Variants in PLEKHA5 observed in about 807,000 individuals in gnomAD.
PLEKHA5 encodes pleckstrin homology domain-containing family A member 5.
A neutral mutation model predicts 181.9 loss-of-function variants in PLEKHA5; 55 were observed. That is an observed-to-expected ratio of 0.30 (90% CI 0.24 to 0.38). PLEKHA5 has a LOEUF of 0.38. Among genes scored for constraint, PLEKHA5 ranks in the 10% least tolerant of loss-of-function variants. The pLI, the probability that PLEKHA5 is intolerant of heterozygous loss-of-function variation, is 1.00. For synonymous variants in PLEKHA5, 535 were observed against 529.4 expected, an observed-to-expected ratio of 1.01 and a Z score of -0.15; for missense variants, 1,432 against 1,549.5, an observed-to-expected ratio of 0.92 and a Z score of 1.27.
At chr12:19,360,976 C>G (rs1415843454) in intron 28 of PLEKHA5, among the ~76,000 whole-genome samples, 2 of 152,056 alleles carry the variant, frequency 1.3e-5, no homozygotes, top group South Asian at 2.1e-4. Flanking sequence ...AGGCTGGTCT[C>G]GAACTCCTGA....
At chr12:19,354,221 G>C (rs548197995) in intron 26 of PLEKHA5, among the ~76,000 whole-genome samples, 2 of 120,584 alleles carry the variant, frequency 1.7e-5, no homozygotes, top group South Asian at 5.7e-4. Flanking sequence ...GCGCGATCTC[G>C]GCTCACTGCA....
chr12:19,233,428 T>C (rs1223653185), intron 3 of PLEKHA5, among the ~76,000 whole-genome samples: 2 of 152,172 alleles, frequency 1.3e-5, no homozygotes, highest in South Asian at 2.1e-4. Flanking sequence ...AGGTACTGTA[T>C]GGAAAAGAGA....
chr12:19,171,918 G>A (rs1167244277), intron 3 of PLEKHA5, among the ~76,000 whole-genome samples: 1 of 152,056 alleles, frequency 6.6e-6, no homozygotes, highest in Non-Finnish European at 1.5e-5. Context: ...ACCACATCTT[G>A]TCCCACTGTA....
chr12:19,368,577 G>C (rs2095495873), intron 30 of PLEKHA5, among the ~76,000 whole-genome samples: 1 of 152,176 alleles, frequency 6.6e-6, no homozygotes, highest in Admixed American at 6.5e-5. Flanking sequence ...TGGATCACCT[G>C]AGGTTTGGAG....
chr12:19,238,262 G>A (rs2061743986), intron 3 of PLEKHA5, among the ~76,000 whole-genome samples: 1 of 152,002 alleles, frequency 6.6e-6, no homozygotes, highest in East Asian at 1.9e-4. Flanking sequence ...ATGACTTGCT[G>A]TACATATTTT....
chr12:19,234,472 T>G (rs2061103474), intron 3 of PLEKHA5, among the ~76,000 whole-genome samples: 1 of 152,178 alleles, frequency 6.6e-6, no homozygotes, highest in African/African-American at 2.4e-5. Flanking sequence ...ACAGAAGCTG[T>G]GCAGGGTGCT....
At chr12:19,349,740 G>C (rs947181820) in intron 25 of PLEKHA5, among the ~76,000 whole-genome samples, 7 of 119,648 alleles carry the variant, frequency 5.9e-5, no homozygotes, top group Non-Finnish European at 1.1e-4. Context: ...ACCAGAAACA[G>C]AAAAAAAAAA....
intron 21 of PLEKHA5, among the ~76,000 whole-genome samples, chr12:19,338,018 C>T (rs948407830): frequency 3.5e-5 from 5 of 141,910 alleles, no homozygotes; most frequent in East Asian, 2.0e-4. Context: ...GCAACAAGGG[C>T]GAAGCTCCAT....
At position 19,283,265 on chromosome 12, in the gene PLEKHA5, A is replaced by AT. The variant is rs2076577777; in HGVS notation, c.1314-8dup. 2.7e-6 allele frequency: 4 copies of AT among 1,501,448 alleles called. No homozygotes were observed. Among genetic ancestry groups the AT allele is most frequent in the South Asian group, 2.4e-5 (2 of 82,116 alleles). 93.0% of individuals were successfully genotyped at this position (1,501,448 alleles called of 1,614,324 possible). On this transcript the variant is annotated splice_polypyrimidine_tract_variant and intron_variant, in intron 11 of 31. Coordinates refer to ENST00000429027, the MANE Select transcript of PLEKHA5 (RefSeq NM_001256470.2). The stretch of plus-strand genomic sequence containing the variant: ...CCTCCTTCATGTTTACATTTTAATT[A>AT]TTTTTTTATTTTAGAGTAATTTCTT...
chr12:19,157,093 T>TACAC (rs1484867794), intron 3 of PLEKHA5, among the ~76,000 whole-genome samples: 4 of 19,564 alleles, frequency 2.0e-4, no homozygotes, highest in Admixed American at 1.6e-3. Context: ...TATCTATATG[T>TACAC]ACATACACAC....
chr12:19,259,200 A>G (rs1422998535), intron 6 of PLEKHA5, among the ~76,000 whole-genome samples: 1 of 151,430 alleles, frequency 6.6e-6, no homozygotes, highest in East Asian at 2.0e-4. Context: ...CTACTTTAAA[A>G]AAAAACAAAA....
chr12:19,200,791 A>G (rs1244662442), intron 3 of PLEKHA5: 1 of 533,824 alleles, frequency 1.9e-6, no homozygotes, highest in Non-Finnish European at 2.4e-6. Context: ...TGATAATTAG[A>G]TAGATAGCTA....
chr12:19,269,989 A>G (rs1255349893), intron 9 of PLEKHA5, 104 bp downstream of exon 9: 3 of 670,066 alleles, frequency 4.5e-6, no homozygotes, highest in Non-Finnish European at 7.6e-6. Context: ...TAGTCATGGT[A>G]TGAAATCATT....
intron 8 of PLEKHA5, among the ~76,000 whole-genome samples, chr12:19,267,799 A>G (rs1243189329): frequency 3.9e-5 from 6 of 151,928 alleles, no homozygotes; most frequent in African/African-American, 1.2e-4. Flanking sequence ...CCCTGTCTCT[A>G]CTAAAAATAC....
intron 3 of PLEKHA5, chr12:19,207,228 ATTATACTATT>A (rs2055776006): frequency 6.6e-6 from 1 of 152,114 alleles, no homozygotes; most frequent in South Asian, 2.1e-4. Flanking sequence ...AGATTGTATT[ATTATACTATT>A]TTATACTATT....
intron 3 of PLEKHA5, among the ~76,000 whole-genome samples, chr12:19,172,559 G>A (rs1166200712): frequency 2.0e-5 from 3 of 152,162 alleles, no homozygotes; most frequent in African/African-American, 7.2e-5. Flanking sequence ...TTAGGGAAAT[G>A]CAAATTAAAA....
intron 15 of PLEKHA5, among the ~76,000 whole-genome samples, chr12:19,313,226 T>C (rs1160654653): frequency 6.6e-6 from 1 of 151,958 alleles, no homozygotes; most frequent in African/African-American, 2.4e-5. Flanking sequence ...AAATAAAAAA[T>C]TAGCTGGGCA....
chr12:19,242,676 T>A (rs1456690888), intron 3 of PLEKHA5, among the ~76,000 whole-genome samples: 1 of 149,990 alleles, frequency 6.7e-6, no homozygotes, highest in Non-Finnish European at 1.5e-5. Flanking sequence ...TTTTGAACAT[T>A]TAATTTTTTT....
chr12:19,376,386 G>A lies in PLEKHA5; in HGVS notation c.*867G>A, dbSNP rs1449165236. 3 of 152,480 alleles carry A rather than the reference G, an allele frequency of 2.0e-5. No individual in the cohort carries two copies. Among genetic ancestry groups the A allele is most frequent in the African/African-American group, 7.2e-5 (3 of 41,402 alleles). The allele number at this position is 152,480 out of a possible 1,614,324, so 9.4% of individuals were successfully genotyped here. A position where few individuals can be genotyped will look rare whatever the true frequency, so the allele number is the denominator to read the frequency against. The stretch of plus-strand genomic sequence containing the variant: ...TCTTTTTTTATCATGTTAAATAAAT[G>A]TTGATGTTCTTAAATCAGTGTTAGA... On this transcript the variant is annotated 3_prime_UTR_variant, in exon 32 of 32. Transcript: ENST00000429027.
Sources: gnomAD v4.1 joint callset for allele counts (sites outside exome capture counted in the v4.1 genomes callset) on GRCh38, gnomAD v4.1.1 for gene constraint, MANE v1.5 for transcripts, NCBI Gene and HGNC (gene_info 2026-07-23, HGNC 2026-07-21) for gene names.